PTGES3L: variants seen among roughly 807,000 people sequenced by gnomAD.
The protein encoded by PTGES3L is putative protein PTGES3L.
A neutral mutation model predicts 25.0 loss-of-function variants in PTGES3L; 17 were observed. The observed-to-expected ratio is 0.68, with a 90% CI of 0.47 to 1.02. PTGES3L has a LOEUF of 1.02. Among genes scored for constraint, PTGES3L ranks in the 50% least tolerant of loss-of-function variants. PTGES3L has a pLI of 0.00. For missense variants in PTGES3L, 202 were observed against 197.5 expected, an observed-to-expected ratio of 1.02 and a Z score of -0.14; for synonymous variants, 59 against 65.7, an observed-to-expected ratio of 0.90 and a Z score of 0.50.
chr17:42,971,267 G>A (rs1254147568), intron 5 of PTGES3L, among the ~76,000 whole-genome samples: 2 of 139,408 alleles, frequency 1.4e-5, no homozygotes, highest in Non-Finnish European at 3.1e-5. Flanking sequence ...TTGCACTCCA[G>A]CCTAGGCGAC....
intron 4 of PTGES3L, among the ~76,000 whole-genome samples, chr17:42,978,900 T>A (rs548440025): frequency 4.4e-4 from 67 of 152,116 alleles, no homozygotes; most frequent in Non-Finnish European, 9.3e-4. Context: ...CCCAGGAGGC[T>A]GAGGCAGGAG....
chr17:42,969,034 G>T lies in PTGES3L; in HGVS notation c.*114C>A. 1.3e-6 allele frequency: 1 copy of T among 745,396 alleles called. No individual in the cohort carries two copies. The highest frequency in any genetic ancestry group is 2.3e-6 in the Non-Finnish European group (1 of 441,054). 46.2% of individuals were successfully genotyped at this position (745,396 alleles called of 1,614,324 possible). A position where few individuals can be genotyped will look rare whatever the true frequency, so the allele number is the denominator to read the frequency against. On this transcript the variant is annotated 3_prime_UTR_variant, in exon 7 of 7. Coordinates refer to ENST00000591916, the MANE Select transcript of PTGES3L (RefSeq NM_001261430.2). ...TAAAGAGCTTCTAGGAAAGTTCAGA[G>T]ATCTCAGAAGAACTTGGTGCACAGC...
intron 4 of PTGES3L, 81 bp downstream of exon 4, chr17:42,979,089 G>T: frequency 1.4e-6 from 2 of 1,434,294 alleles, no homozygotes; most frequent in Non-Finnish European, 2.0e-6. Flanking sequence ...ATTGAATATT[G>T]GCTGGAAAGG....
chr17:42,976,072 T>A (rs2049949232), intron 4 of PTGES3L, among the ~76,000 whole-genome samples: 2 of 152,086 alleles, frequency 1.3e-5, no homozygotes, highest in African/African-American at 4.8e-5. Flanking sequence ...AACCTCTGCC[T>A]CCCGGGTTCA....
At chr17:42,975,730 G>A (rs1162218449) in intron 4 of PTGES3L, among the ~76,000 whole-genome samples, 1 of 152,166 alleles carries the variant, frequency 6.6e-6, no homozygotes, top group Non-Finnish European at 1.5e-5. Flanking sequence ...AGGCTAGAGT[G>A]CAGTGGGGTG....
intron 4 of PTGES3L, chr17:42,972,169 C>T (rs488987): frequency 0.94 from 127,810 of 136,398 alleles, 60,497 homozygotes; most frequent in East Asian, 1. Context: ...GCCTGGGTGA[C>T]AGAGCAAGAC....
chr17:42,979,814 G>A, intron 1 of PTGES3L, 151 bp from the exon 2 acceptor site: 2 of 1,413,422 alleles, frequency 1.4e-6, no homozygotes, highest in Non-Finnish European at 1.9e-6. Context: ...GGAATGACAG[G>A]AGTGGGTGGG....
In PTGES3L at chr17:42,969,104, G is replaced by A. The variant is rs1032963753; in HGVS notation, c.*44C>T. 3.4e-6 allele frequency: 5 copies of A among 1,484,382 alleles called. No homozygotes were observed. The highest frequency in any genetic ancestry group is 2.0e-5 in the Admixed American group (1 of 50,658). The allele number at this position is 1,484,382 out of a possible 1,614,324, so 92.0% of individuals were successfully genotyped here. A position where few individuals can be genotyped will look rare whatever the true frequency, so the allele number is the denominator to read the frequency against. On this transcript the variant is annotated 3_prime_UTR_variant, in exon 7 of 7. Transcript: ENST00000591916. ...TAGGCGCTAGCTTTCTAGAACAACT[G>A]GAAAATAGCCACAGCTGCCTTCCCA... is the stretch of plus-strand genomic sequence containing the variant.
Position 42,979,569 on chromosome 17 carries a change from C to A in PTGES3L, c.103G>T (p.Asp35Tyr). The change falls in exon 2 of 7, where the codon GAT becomes TAT. Residue 35 changes from aspartate to tyrosine, a missense_variant. Asp to Tyr is a radical substitution (Grantham distance 160). Transcript: ENST00000591916. ...DSTDVHVLIE[D>Y]HRIVFSCKNA... ...CACTACCTGAACACAATGCGGTGATCCTCAATAAGCACGTGGACATCGGTG... is the reference window on the plus strand; with the variant it reads ...CACTACCTGAACACAATGCGGTGATACTCAATAAGCACGTGGACATCGGTG... 2 of 1,614,150 alleles carry A rather than the reference C, an allele frequency of 1.2e-6. No individual in the cohort carries two copies. The highest frequency in any genetic ancestry group is 1.7e-6 in the Non-Finnish European group (2 of 1,180,028).
chr17:42,972,691 G>A (rs1352608997), intron 4 of PTGES3L, among the ~76,000 whole-genome samples: 1 of 152,014 alleles, frequency 6.6e-6, no homozygotes, highest in African/African-American at 2.4e-5. Flanking sequence ...CCTCCCAGCC[G>A]CCTGCCTTGG....
At chr17:42,975,868 G>A (rs2049945291) in intron 4 of PTGES3L, among the ~76,000 whole-genome samples, 1 of 151,898 alleles carries the variant, frequency 6.6e-6, no homozygotes, top group African/African-American at 2.4e-5. Flanking sequence ...GTAGAGACGG[G>A]GTTTCACCAC....
chr17:42,977,045 C>T (rs1175401901), intron 4 of PTGES3L, among the ~76,000 whole-genome samples: 1 of 152,060 alleles, frequency 6.6e-6, no homozygotes, highest in Admixed American at 6.6e-5. Flanking sequence ...AATTCCAGCA[C>T]CCTGGGAGGC....
intron 4 of PTGES3L, among the ~76,000 whole-genome samples, chr17:42,978,722 C>G (rs1392873235): frequency 2.0e-5 from 3 of 151,988 alleles, no homozygotes; most frequent in East Asian, 1.9e-4. Context: ...AAAAATAAGC[C>G]AGGCGCGGTG....
chr17:42,976,238 C>T (rs894618462), intron 4 of PTGES3L, among the ~76,000 whole-genome samples: 5 of 152,098 alleles, frequency 3.3e-5, no homozygotes, highest in African/African-American at 1.2e-4. Flanking sequence ...TCCACCTCAG[C>T]CTCCCAAAGT....
At position 42,970,330 on chromosome 17, in the gene PTGES3L, C is replaced by T. The variant is rs934758029; in HGVS notation, c.391G>A (p.Val131Ile). Residue 131 changes from valine (V) to isoleucine (I), a missense_variant, in exon 6 of 7, where the codon GTC (valine) becomes ATC (isoleucine). Coordinates refer to ENST00000591916, the MANE Select transcript of PTGES3L (RefSeq NM_001261430.2). ...VEHYAELLKK[V>I]STKRPPPAMD... Reference sequence around the variant, plus strand: ...GCAGGTGGAGGTCTCTTGGTGCTGACCTTCTTCAAAAGCTAGTGGGAAGAA... The same window carrying T: ...GCAGGTGGAGGTCTCTTGGTGCTGATCTTCTTCAAAAGCTAGTGGGAAGAA... 5 of 1,613,678 alleles carry T rather than the reference C, an allele frequency of 3.1e-6. No homozygotes were observed. Among genetic ancestry groups the T allele is most frequent in the Non-Finnish European group, 4.2e-6 (5 of 1,179,852 alleles).
intron 1 of PTGES3L, 122 bp from the exon 2 acceptor site, chr17:42,979,785 A>G (rs1273674933): frequency 6.9e-7 from 1 of 1,447,048 alleles, no homozygotes; most frequent in African/African-American, 1.4e-5. Context: ...TAAATGAGAC[A>G]GAAGGGGTGA....
At chr17:42,974,953 T>G (rs1040182511) in intron 4 of PTGES3L, among the ~76,000 whole-genome samples, 1 of 151,694 alleles carries the variant, frequency 6.6e-6, no homozygotes, top group South Asian at 2.1e-4. Flanking sequence ...TAGGGCAACA[T>G]GGCAAAACCC....
intron 4 of PTGES3L, among the ~76,000 whole-genome samples, chr17:42,976,337 T>G (rs2049953494): frequency 6.6e-6 from 1 of 152,150 alleles, no homozygotes; most frequent in Admixed American, 6.6e-5. Flanking sequence ...TTTTTAAATG[T>G]CAGCAACTAA....
chr17:42,971,559 C>A (rs1435154099), intron 5 of PTGES3L, 48 bp downstream of exon 5: 1 of 1,606,828 alleles, frequency 6.2e-7, no homozygotes, highest in Non-Finnish European at 8.5e-7. Flanking sequence ...TGCAGAGAAA[C>A]ACAAAGAATG....
Sources: allele counts gnomAD v4.1 joint callset (sites outside exome capture counted in the v4.1 genomes callset), GRCh38; gene constraint gnomAD v4.1.1; transcripts MANE v1.5; gene names NCBI Gene and HGNC (gene_info 2026-07-23, HGNC 2026-07-21).